MYT1L: variants seen among roughly 807,000 people sequenced by gnomAD.
The protein encoded by MYT1L is myelin transcription factor 1 like.
MYT1L carries 12 observed loss-of-function variants against 126.7 expected under a neutral mutation model. That is an observed-to-expected ratio of 0.09 (90% CI 0.06 to 0.15). The LOEUF (loss-of-function observed/expected upper bound fraction) is 0.15, where lower values mean the gene tolerates loss of function less well. Among genes scored for constraint, MYT1L ranks in the 10% least tolerant of loss-of-function variants. MYT1L has a pLI of 1.00. For missense variants in MYT1L, 979 were observed against 1,585.2 expected, an observed-to-expected ratio of 0.62 and a Z score of 6.49; for synonymous variants, 541 against 604.2, an observed-to-expected ratio of 0.90 and a Z score of 1.53.
chr2:2,289,221 C>CT (rs773500434), intron 1 of MYT1L, among the ~76,000 whole-genome samples: 1 of 152,096 alleles, frequency 6.6e-6, no homozygotes, highest in African/African-American at 2.4e-5. Context: ...GTGGGAATAC[C>CT]CTCTGTTAAT....
chr2:1,797,526 C>T (rs2033848559), intron 23 of MYT1L, among the ~76,000 whole-genome samples: 1 of 152,138 alleles, frequency 6.6e-6, no homozygotes, highest in African/African-American at 2.4e-5. Context: ...GGCCAGGGGC[C>T]CGGACTTCTG....
intron 4 of MYT1L, among the ~76,000 whole-genome samples, chr2:2,007,852 T>C (rs932854891): frequency 7.2e-5 from 11 of 152,190 alleles, no homozygotes. Flanking sequence ...GTTGATAGTT[T>C]AAATGATAAT....
intron 18 of MYT1L, among the ~76,000 whole-genome samples, chr2:1,878,534 G>T (rs1188569067): frequency 6.6e-6 from 1 of 152,108 alleles, no homozygotes; most frequent in Non-Finnish European, 1.5e-5. Flanking sequence ...AGGTTCTCTT[G>T]GGCACTGTCC....
chr2:2,031,420 C>T (rs2066233680), intron 4 of MYT1L, among the ~76,000 whole-genome samples: 1 of 148,580 alleles, frequency 6.7e-6, no homozygotes, highest in South Asian at 2.3e-4. Flanking sequence ...TCCTGTGGCC[C>T]AGAGCAGATT....
intron 3 of MYT1L, among the ~76,000 whole-genome samples, chr2:2,168,458 C>T (rs1210634408): frequency 6.6e-6 from 1 of 152,212 alleles, no homozygotes; most frequent in Non-Finnish European, 1.5e-5. Context: ...ACACTTACTG[C>T]AGGTCCTTGC....
chr2:2,101,067 C>T (rs1467481040), intron 3 of MYT1L, among the ~76,000 whole-genome samples: 1 of 152,108 alleles, frequency 6.6e-6, no homozygotes, highest in Non-Finnish European at 1.5e-5. Context: ...AACCTGGTTG[C>T]CTGAGCTTTG....
At chr2:2,191,458 A>T (rs1044704156) in intron 2 of MYT1L, among the ~76,000 whole-genome samples, 3 of 152,226 alleles carry the variant, frequency 2.0e-5, no homozygotes, top group Non-Finnish European at 4.4e-5. Context: ...CTCGGAGTAA[A>T]CACACAGGGT....
At chr2:1,931,876 G>A (rs748308689) in intron 9 of MYT1L, among the ~76,000 whole-genome samples, 1 of 152,152 alleles carries the variant, frequency 6.6e-6, no homozygotes, top group Non-Finnish European at 1.5e-5. Flanking sequence ...CAGGAAAGGA[G>A]CGTGCATCAC....
intron 2 of MYT1L, among the ~76,000 whole-genome samples, chr2:2,181,652 T>C (rs538743226): frequency 4.6e-5 from 7 of 152,246 alleles, no homozygotes; most frequent in East Asian, 1.9e-4. Flanking sequence ...TGGAAGCGCT[T>C]TGTCTTCCCG....
At chr2:2,314,566 T>C (rs1219518515) in intron 1 of MYT1L, among the ~76,000 whole-genome samples, 2 of 152,222 alleles carry the variant, frequency 1.3e-5, no homozygotes, top group East Asian at 3.8e-4. Context: ...TAATTTAATT[T>C]AATTTTAAGT....
intron 11 of MYT1L, among the ~76,000 whole-genome samples, chr2:1,913,346 T>A (rs1377489143): frequency 1.3e-5 from 2 of 152,140 alleles, no homozygotes; most frequent in Admixed American, 1.3e-4. Context: ...GAAAAATGAA[T>A]GATCAAAGTG....
At chr2:2,139,997 A>G (rs1324531352) in intron 3 of MYT1L, among the ~76,000 whole-genome samples, 1 of 152,228 alleles carries the variant, frequency 6.6e-6, no homozygotes, top group Non-Finnish European at 1.5e-5. Flanking sequence ...TATAAAGCAC[A>G]ACATGATATA....
At chr2:2,104,442 G>T (rs2078489263) in intron 3 of MYT1L, among the ~76,000 whole-genome samples, 1 of 152,190 alleles carries the variant, frequency 6.6e-6, no homozygotes, top group Admixed American at 6.5e-5. Context: ...AGGGCAAAAA[G>T]CTAGAAGAAA....
chr2:2,205,472 C>CA (rs2093276055), intron 2 of MYT1L, among the ~76,000 whole-genome samples: 1 of 151,772 alleles, frequency 6.6e-6, no homozygotes, highest in African/African-American at 2.4e-5. Context: ...TTGAAAGAAA[C>CA]AAAAAAGGAA....
rs564101170 is a variant in MYT1L at position 1,852,927 on chromosome 2, G to A, written c.2712-1224C>T. On this transcript the variant is annotated intron_variant, in intron 18 of 24. Transcript: ENST00000647738. This position sits in a 1 kb window ranked among gnomAD's most constrained non-coding sequence, Gnocchi z 4.0. ...CACTATGGATAGGGTACTGGGGGCT[G>A]AGACCAGGACGGCAAAGTGCTTGCT... 3.6e-4 allele frequency among the ~76,000 whole-genome samples: 55 copies of A among 152,338 alleles called. No homozygotes were observed. The highest frequency in any genetic ancestry group is 1.3e-3 in the African/African-American group (54 of 41,574).
intron 8 of MYT1L, among the ~76,000 whole-genome samples, chr2:1,961,200 G>A (rs1240756819): frequency 6.6e-6 from 1 of 152,154 alleles, no homozygotes; most frequent in South Asian, 2.1e-4. Flanking sequence ...TGAGTTACCT[G>A]ACAGGTACAA....
intron 3 of MYT1L, among the ~76,000 whole-genome samples, chr2:2,069,252 G>T (rs1357517173): frequency 6.6e-6 from 1 of 152,058 alleles, no homozygotes; most frequent in African/African-American, 2.4e-5. Flanking sequence ...GCCTTGGTGT[G>T]TGATGTTCCC....
intron 18 of MYT1L, among the ~76,000 whole-genome samples, chr2:1,878,264 C>G (rs2047163123): frequency 6.6e-6 from 1 of 152,170 alleles, no homozygotes; most frequent in Admixed American, 6.5e-5. Flanking sequence ...AATGGTAACA[C>G]TGACATTTAC....
chr2:2,061,364 G>A (rs985751834), intron 3 of MYT1L, among the ~76,000 whole-genome samples: 2 of 152,152 alleles, frequency 1.3e-5, no homozygotes, highest in Middle Eastern at 3.2e-3. Flanking sequence ...TGGCAAGCTA[G>A]AGTCCCATTT....
Sources: allele counts gnomAD v4.1 joint callset (sites outside exome capture counted in the v4.1 genomes callset), GRCh38; gene constraint gnomAD v4.1.1; non-coding constraint Gnocchi (gnomAD v3.1); transcripts MANE v1.5; gene names NCBI Gene and HGNC (gene_info 2026-07-23, HGNC 2026-07-21).